Variants in CDH20 observed in about 807,000 individuals in gnomAD.
CDH20 encodes cadherin 20.
A neutral mutation model predicts 74.2 loss-of-function variants in CDH20; 29 were observed. The observed-to-expected ratio is 0.39, with a 90% CI of 0.29 to 0.53. CDH20 has a LOEUF of 0.53. Among genes scored for constraint, CDH20 ranks in the 20% least tolerant of loss-of-function variants. CDH20 has a pLI of 0.69. For synonymous variants in CDH20, 469 were observed against 405.4 expected (o/e 1.16, Z -1.88); for missense variants, 988 against 1,048.3 (o/e 0.94, Z 0.79).
intron 1 of CDH20, among the ~76,000 whole-genome samples, chr18:61,468,323 A>G (rs748188505): frequency 8.5e-5 from 13 of 152,090 alleles, no homozygotes; most frequent in Non-Finnish European, 1.9e-4. Context: ...TAAAACAAGT[A>G]TTTTTCTTTA....
Position 61,499,308 on chromosome 18 carries a change from C to T in CDH20, c.369C>T (p.Asp123=), listed in dbSNP as rs12964819. Reference sequence around the variant, plus strand: ...ACATCCACGCCATTCAGAGGCTCGACCGAGAGGAAAGAGCCCAGTATACTC... The same window carrying T: ...ACATCCACGCCATTCAGAGGCTCGATCGAGAGGAAAGAGCCCAGTATACTC... The part of the protein sequence containing the change: ...TGDIHAIQRL[D]REERAQYTLR... Residue 123 remains aspartate (D), a synonymous_variant, in exon 3 of 12, where the codon GAC becomes GAT. Transcript: ENST00000262717. 0.66 allele frequency: 1,068,225 copies of T among 1,612,918 alleles called. 355,137 individuals are homozygous for T. Among genetic ancestry groups the T allele is most frequent in the South Asian group, 0.75 (67,900 of 91,016 alleles).
At chr18:61,552,070 A>C (rs1215095947) in intron 11 of CDH20, among the ~76,000 whole-genome samples, 9 of 152,212 alleles carry the variant, frequency 5.9e-5, no homozygotes, top group Admixed American at 5.9e-4. Context: ...AAGAGTACAC[A>C]TCCCACATTA....
intron 1 of CDH20, among the ~76,000 whole-genome samples, chr18:61,419,424 T>C (rs986748896): frequency 6.6e-6 from 1 of 152,210 alleles, no homozygotes; most frequent in African/African-American, 2.4e-5. Context: ...CCTTTGTGTA[T>C]ATTCATTTGT....
Position 61,545,032 on chromosome 18 carries a change from C to T in CDH20, c.1536C>T (p.Ile512=), listed in dbSNP as rs746909728. Reference sequence around the variant, plus strand: ...ATTTCATGTCCCTCCCTCAGCTGATCCAGACAGTGAGTGCGGTGGACCAAG... The same window carrying T: ...ATTTCATGTCCCTCCCTCAGCTGATTCAGACAGTGAGTGCGGTGGACCAAG... ...VCENAKAGQL[I]QTVSAVDQDD... Residue 512 remains isoleucine (I), a synonymous_variant, in exon 10 of 12, where the codon ATC becomes ATT. Transcript: ENST00000262717. The T allele has an allele frequency of 1.2e-6, 2 of 1,610,262 alleles. No individual in the cohort carries two copies. The highest frequency in any genetic ancestry group is 1.7e-6 in the Non-Finnish European group (2 of 1,176,486).
chr18:61,466,960 A>T (rs1282970965), intron 1 of CDH20, among the ~76,000 whole-genome samples: 2 of 152,068 alleles, frequency 1.3e-5, no homozygotes, highest in Non-Finnish European at 2.9e-5. Flanking sequence ...CTCCCAGCAA[A>T]CAATGTGCTT....
At chr18:61,457,742 C>T (rs1348799799) in intron 1 of CDH20, among the ~76,000 whole-genome samples, 4 of 152,032 alleles carry the variant, frequency 2.6e-5, no homozygotes, top group South Asian at 2.1e-4. Context: ...ACGTAAAATA[C>T]GTGGCAAGAT....
intron 6 of CDH20, among the ~76,000 whole-genome samples, chr18:61,524,226 G>A (rs1214950773): frequency 1.3e-5 from 2 of 152,072 alleles, no homozygotes; most frequent in African/African-American, 2.4e-5. Flanking sequence ...GTAAGGAAGT[G>A]CCAATCAGAA....
chr18:61,487,288 G>C (rs1910801760), intron 1 of CDH20, among the ~76,000 whole-genome samples: 1 of 152,122 alleles, frequency 6.6e-6, no homozygotes, highest in Non-Finnish European at 1.5e-5. Flanking sequence ...GGAAAAACAT[G>C]AATATGAGAA....
At chr18:61,375,133 C>T (rs185474822) in intron 1 of CDH20, among the ~76,000 whole-genome samples, 3 of 152,268 alleles carry the variant, frequency 2.0e-5, no homozygotes, top group Non-Finnish European at 4.4e-5. Flanking sequence ...CATTGAGCGC[C>T]GCTCTTCATC....
At chr18:61,361,373 A>C (rs1037690445) in intron 1 of CDH20, among the ~76,000 whole-genome samples, 3 of 152,350 alleles carry the variant, frequency 2.0e-5, no homozygotes, top group African/African-American at 7.2e-5. Flanking sequence ...CCTTGTTTTC[A>C]ATTATTAGTT....
intron 5 of CDH20, among the ~76,000 whole-genome samples, chr18:61,503,567 T>C (rs1431662698): frequency 1.3e-5 from 2 of 152,180 alleles, no homozygotes; most frequent in South Asian, 4.1e-4. Context: ...CCCAAAGCTG[T>C]AGATGGACAC....
At chr18:61,450,025 G>A (rs1037498948) in intron 1 of CDH20, among the ~76,000 whole-genome samples, 6 of 151,932 alleles carry the variant, frequency 3.9e-5, no homozygotes, top group Non-Finnish European at 8.8e-5. Flanking sequence ...TTTAGTAAAC[G>A]CAATCCCCGC....
At chr18:61,485,745 C>A (rs1410971893) in intron 1 of CDH20, among the ~76,000 whole-genome samples, 11 of 152,118 alleles carry the variant, frequency 7.2e-5, no homozygotes, top group Admixed American at 7.2e-4. Flanking sequence ...TGCTATTCCA[C>A]CTCCCAGTCA....
intron 1 of CDH20, among the ~76,000 whole-genome samples, chr18:61,395,793 C>G (rs951003436): frequency 2.0e-5 from 3 of 152,100 alleles, no homozygotes; most frequent in Non-Finnish European, 4.4e-5. Context: ...CCAGCACTTT[C>G]GGAGGCCAAG....
rs1356994475 is a variant in CDH20 at position 61,342,706 on chromosome 18, C to T, written c.-153+8879C>T. Among the ~76,000 whole-genome samples, 3 of 152,190 alleles carry T rather than the reference C, an allele frequency of 2.0e-5. No homozygotes were observed. The East Asian group carries it at 5.8e-4, about 29-fold the overall frequency. On this transcript the variant is annotated intron_variant, in intron 1 of 11. Coordinates refer to ENST00000262717, the MANE Select transcript of CDH20 (RefSeq NM_031891.4). ...AGTACCCCTAGTTGAGAACCACTGC[C>T]ATAGTAAAGTTCAATTTTCATGTAT...
chr18:61,392,900 ACT>A (rs932606882), intron 1 of CDH20, among the ~76,000 whole-genome samples: 3 of 152,076 alleles, frequency 2.0e-5, no homozygotes, highest in East Asian at 1.9e-4. Context: ...TCAGTGGTGC[ACT>A]GTCTGGCTGT....
intron 1 of CDH20, among the ~76,000 whole-genome samples, chr18:61,339,700 T>TG (rs1317638383): frequency 8.3e-6 from 1 of 120,600 alleles, no homozygotes; most frequent in Non-Finnish European, 1.8e-5. Context: ...TTTTTTTTTT[T>TG]TTTTTGAGAT....
At position 61,500,491 on chromosome 18, in the gene CDH20, A is replaced by G. The variant is rs376154126; in HGVS notation, c.650A>G (p.Asp217Gly). 6.2e-7 allele frequency: 1 copy of G among 1,609,198 alleles called. No homozygotes were observed. Among genetic ancestry groups the G allele is most frequent in the African/African-American group, 1.3e-5 (1 of 74,952 alleles). The change falls in exon 4 of 12, where the codon GAC (aspartate) becomes GGC (glycine). Residue 217 changes from aspartate (D) to glycine (G), a missense_variant. Physicochemically the swap from Asp to Gly is moderately conservative, Grantham distance 94. Around this residue, in one of 2 missense-constraint regions of CDH20, gnomAD observed 613 missense variants for 755.2 expected, o/e 0.81. Transcript: ENST00000262717. Reference protein sequence around the residue: ...ILQGQPYFSVDSKTGVIRTAL... With the variant: ...ILQGQPYFSVGSKTGVIRTAL... ...CAGGGCCAGCCATATTTTTCTGTGGACTCTAAAACAGGTATCTGATACAAG... is the reference window on the plus strand; with the variant it reads ...CAGGGCCAGCCATATTTTTCTGTGGGCTCTAAAACAGGTATCTGATACAAG...
intron 9 of CDH20, among the ~76,000 whole-genome samples, chr18:61,543,154 G>C (rs1011666386): frequency 2.0e-5 from 3 of 152,172 alleles, no homozygotes; most frequent in Admixed American, 2.0e-4. Context: ...AGGCCCCGAT[G>C]GGAGCTCCCC....
Sources: gnomAD v4.1 joint callset for allele counts (sites outside exome capture counted in the v4.1 genomes callset) on GRCh38, gnomAD v4.1.1 for gene constraint, gnomAD v4.1.1 regional missense constraint, MANE v1.5 for transcripts, NCBI Gene and HGNC (gene_info 2026-07-23, HGNC 2026-07-21) for gene names.